PLCXD3: variants seen among roughly 807,000 people sequenced by gnomAD.
PLCXD3 encodes the protein PI-PLC X domain-containing protein 3.
A neutral mutation model predicts 25.5 loss-of-function variants in PLCXD3; 19 were observed. The observed-to-expected ratio is 0.75, with a 90% confidence interval of 0.52 to 1.09. The LOEUF (loss-of-function observed/expected upper bound fraction) is 1.09. PLCXD3 is among the 50% of genes least tolerant of loss of function. The pLI, the probability that PLCXD3 is intolerant of heterozygous loss-of-function variation, is 0.00. For missense variants in PLCXD3, 411 were observed against 388.1 expected (o/e 1.06, Z -0.50); for synonymous variants, 174 against 137.6 (o/e 1.26, Z -1.85).
chr5:41,405,433 C>A (rs1023454654), intron 1 of PLCXD3, among the ~76,000 whole-genome samples: 15 of 152,118 alleles, frequency 9.9e-5, no homozygotes, highest in African/African-American at 3.6e-4. Context: ...TACCCCTCCT[C>A]CTATCAAGTA....
intron 1 of PLCXD3, among the ~76,000 whole-genome samples, chr5:41,470,379 G>A (rs566358751): frequency 2.0e-5 from 3 of 151,850 alleles, no homozygotes. Context: ...ACAGAAATCT[G>A]AAAAAAACAT....
intron 1 of PLCXD3, among the ~76,000 whole-genome samples, chr5:41,483,690 A>T (rs1471568844): frequency 6.6e-6 from 1 of 152,198 alleles, no homozygotes; most frequent in African/African-American, 2.4e-5. Flanking sequence ...ACACTTAAAA[A>T]TGATTAAAAT....
rs1056333325 is a variant in PLCXD3 at position 41,490,394 on chromosome 5, CTCT to C, written c.103+20027_103+20029del. On this transcript the variant is annotated intron_variant, in intron 1 of 2. Transcript: ENST00000377801. ...TCATCAAGGATATTGGTCTAAAATT[CTCT>C]TTTTTGGTTGTGTCTCTGCCAGGCT... Among the ~76,000 whole-genome samples, 825 of 152,186 alleles carry C rather than the reference CTCT, an allele frequency of 5.4e-3. 4 individuals carry two copies. Among genetic ancestry groups the C allele is most frequent in the African/African-American group, 0.018 (747 of 41,522 alleles).
chr5:41,344,134 C>T (rs1744239566), intron 2 of PLCXD3, among the ~76,000 whole-genome samples: 1 of 152,098 alleles, frequency 6.6e-6, no homozygotes, highest in African/African-American at 2.4e-5. Flanking sequence ...ACTTCTAAAA[C>T]ATGAATAATA....
chr5:41,447,485 G>T (rs1725695587), intron 1 of PLCXD3, among the ~76,000 whole-genome samples: 1 of 152,156 alleles, frequency 6.6e-6, no homozygotes, highest in East Asian at 1.9e-4. Flanking sequence ...AGGCAGAAGG[G>T]TGAGAGAGAG....
At chr5:41,378,880 A>G (rs1745372967) in intron 2 of PLCXD3, among the ~76,000 whole-genome samples, 3 of 152,064 alleles carry the variant, frequency 2.0e-5, no homozygotes, top group South Asian at 4.1e-4. Context: ...GAAAACTTCT[A>G]AATTACATCA....
At chr5:41,467,276 G>GT (rs1488120053) in intron 1 of PLCXD3, among the ~76,000 whole-genome samples, 5 of 152,196 alleles carry the variant, frequency 3.3e-5, no homozygotes, top group African/African-American at 1.2e-4. Flanking sequence ...TGTCAATGAG[G>GT]TTTAAGTTGA....
At chr5:41,346,144 G>T (rs1183018473) in intron 2 of PLCXD3, among the ~76,000 whole-genome samples, 1 of 152,202 alleles carries the variant, frequency 6.6e-6, no homozygotes, top group Non-Finnish European at 1.5e-5. Flanking sequence ...GCCTCCCGAA[G>T]TGCTGGGATT....
intron 2 of PLCXD3, among the ~76,000 whole-genome samples, chr5:41,364,197 C>T (rs535437974): frequency 6.6e-6 from 1 of 152,254 alleles, no homozygotes; most frequent in Admixed American, 6.5e-5. Context: ...TGCCAAACAT[C>T]CTACTATGCA....
rs1399311133 is a variant in PLCXD3, at chr5:41,308,933, G to C, written c.*4684C>G. On this transcript the variant is annotated 3_prime_UTR_variant, in exon 3 of 3. Transcript: ENST00000377801. ...TGGACAGTTTGCTTGTGGGAACTCA[G>C]ATAGGTTCTAAAGCCCATTCCTCAC... 6.6e-6 allele frequency: 1 copy of C among 152,534 alleles called. No homozygotes were observed. The highest frequency in any genetic ancestry group is 2.4e-5 in the African/African-American group (1 of 41,418). 9.4% of individuals were successfully genotyped at this position (152,534 alleles called of 1,614,324 possible). A position where few individuals can be genotyped will look rare whatever the true frequency, so the allele number is the denominator to read the frequency against.
chr5:41,346,783 A>G (rs951034761), intron 2 of PLCXD3, among the ~76,000 whole-genome samples: 15 of 152,160 alleles, frequency 9.9e-5, no homozygotes, highest in Non-Finnish European at 1.8e-4. Flanking sequence ...TTTTTCACTT[A>G]TCAATGTGCA....
At chr5:41,464,209 C>T (rs1747958094) in intron 1 of PLCXD3, among the ~76,000 whole-genome samples, 1 of 152,032 alleles carries the variant, frequency 6.6e-6, no homozygotes, top group South Asian at 2.1e-4. Context: ...TAATCTATAG[C>T]CTCAGGACAG....
intron 1 of PLCXD3, among the ~76,000 whole-genome samples, chr5:41,463,893 C>T (rs1747951015): frequency 6.6e-6 from 1 of 151,930 alleles, no homozygotes; most frequent in African/African-American, 2.4e-5. Context: ...CTTATCCTCT[C>T]AAAGGGAATT....
intron 2 of PLCXD3, among the ~76,000 whole-genome samples, chr5:41,319,466 G>A (rs1157131823): frequency 6.6e-6 from 1 of 152,116 alleles, no homozygotes; most frequent in Non-Finnish European, 1.5e-5. Context: ...AATTTTGGGA[G>A]TTCTACAACT....
At chr5:41,333,946 A>C (rs1034820304) in intron 2 of PLCXD3, among the ~76,000 whole-genome samples, 26 of 152,200 alleles carry the variant, frequency 1.7e-4, no homozygotes, top group African/African-American at 6.3e-4. Context: ...GCCCAAATCA[A>C]ATTCAAACCC....
intron 1 of PLCXD3, among the ~76,000 whole-genome samples, chr5:41,489,676 T>C (rs561524716): frequency 0.011 from 1,693 of 152,192 alleles, 26 homozygotes; most frequent in African/African-American, 0.038. Context: ...CTAGGTATTT[T>C]ATTCTCTTTG....
At chr5:41,444,768 G>C (rs1287966335) in intron 1 of PLCXD3, among the ~76,000 whole-genome samples, 1 of 152,124 alleles carries the variant, frequency 6.6e-6, no homozygotes, top group Non-Finnish European at 1.5e-5. Flanking sequence ...AGAGACACAA[G>C]AAAATTACTC....
intron 1 of PLCXD3, among the ~76,000 whole-genome samples, chr5:41,483,828 T>A (rs1333053466): frequency 6.6e-6 from 1 of 152,184 alleles, no homozygotes; most frequent in Non-Finnish European, 1.5e-5. Context: ...ATTCACATTC[T>A]TTTTCTATTT....
chr5:41,453,746 A>G (rs1183750622), intron 1 of PLCXD3, among the ~76,000 whole-genome samples: 1 of 151,814 alleles, frequency 6.6e-6, no homozygotes, highest in Non-Finnish European at 1.5e-5. Flanking sequence ...GCAAACTTAG[A>G]CTCCAATGCT....
Sources: allele counts gnomAD v4.1 joint callset (sites outside exome capture counted in the v4.1 genomes callset), GRCh38; gene constraint gnomAD v4.1.1; transcripts MANE v1.5; gene names NCBI Gene and HGNC (gene_info 2026-07-23, HGNC 2026-07-21).